EPS8: variants seen among roughly 807,000 people sequenced by gnomAD.
The protein encoded by EPS8 is EGFR pathway substrate 8, signaling adaptor.
EPS8 carries 42 observed loss-of-function variants against 103.8 expected under a neutral mutation model. The observed-to-expected ratio is 0.40, with a 90% confidence interval of 0.32 to 0.52. The LOEUF (loss-of-function observed/expected upper bound fraction) is 0.52. Among genes scored for constraint, EPS8 ranks in the 20% least tolerant of loss-of-function variants. The pLI, the probability that EPS8 is intolerant of heterozygous loss-of-function variation, is 0.40. For missense variants in EPS8, 969 were observed against 1,005.1 expected, an observed-to-expected ratio of 0.96 and a Z score of 0.49; for synonymous variants, 344 against 344.6, an observed-to-expected ratio of 1.00 and a Z score of 0.02.
chr12:15,750,946 A>C (rs1275385936), intron 1 of EPS8, among the ~76,000 whole-genome samples: 1 of 152,166 alleles, frequency 6.6e-6, no homozygotes, highest in Non-Finnish European at 1.5e-5. Flanking sequence ...AAATTACAGT[A>C]CATTGCAAGA....
rs575513875 is a variant in EPS8 at position 15,745,356 on chromosome 12, C to T, written c.-22+43805G>A. Among the ~76,000 whole-genome samples the T allele has an allele frequency of 5.3e-5, 8 of 152,206 alleles. No individual in the cohort carries two copies. The South Asian group carries it at 6.2e-4, about 12-fold the overall frequency. ...ACATGACGTTTGTGCGGGCCCTCCC[C>T]GTTCCCATAAAAAACATCAATAATT... On this transcript the variant is annotated intron_variant, in intron 1 of 20. Transcript: ENST00000281172. The surrounding 1 kb of genome is among the most constrained non-coding windows in gnomAD (Gnocchi z 4.6).
At chr12:15,709,280 A>G (rs1591882276) in intron 1 of EPS8, among the ~76,000 whole-genome samples, 1 of 152,188 alleles carries the variant, frequency 6.6e-6, no homozygotes, top group Admixed American at 6.5e-5. Context: ...AAAAATAAAT[A>G]TAACAGAAGA....
chr12:15,771,008 C>T lies in EPS8; in HGVS notation c.-22+18153G>A, dbSNP rs1422447414. On this transcript the variant is annotated intron_variant, in intron 1 of 20. Transcript: ENST00000281172. This position sits in a 1 kb window ranked among gnomAD's most constrained non-coding sequence, Gnocchi z 4.6. ...AGCCTACCTTAGAGGAGCTTGATAC[C>T]TGGTATCAGGTAACACACATGTATA... Among the ~76,000 whole-genome samples the T allele has an allele frequency of 6.6e-6, 1 of 152,030 alleles. No homozygotes were observed.
At position 15,767,890 on chromosome 12, in the gene EPS8, T is replaced by C. The variant is rs1178268414; in HGVS notation, c.-22+21271A>G. ...AGTTGTCTTTCCCCAGAGAATAAAA[T>C]AGATATTTTTGGTTGTTATTTTACA... On this transcript the variant is annotated intron_variant, in intron 1 of 20. Transcript: ENST00000281172. The surrounding 1 kb of genome is among the most constrained non-coding windows in gnomAD (Gnocchi z 5.5). Among the ~76,000 whole-genome samples, 1 of 152,194 alleles carries C rather than the reference T, an allele frequency of 6.6e-6. No individual in the cohort carries two copies. Among genetic ancestry groups the C allele is most frequent in the Non-Finnish European group, 1.5e-5 (1 of 68,026 alleles).
rs1311366929 is a variant in EPS8, at chr12:15,764,543, TTC to T, written c.-22+24616_-22+24617del. Among the ~76,000 whole-genome samples the T allele has an allele frequency of 1.3e-5, 2 of 152,204 alleles. No homozygotes were observed. The highest frequency in any genetic ancestry group is 3.8e-4 in the East Asian group (2 of 5,196). ...AAACCAACAGGCCTTTGAAGAACTTTTCTCTCTCTAAATCTATGACTATACAA... is the reference window on the plus strand; with the variant it reads ...AAACCAACAGGCCTTTGAAGAACTTTTCTCTCTAAATCTATGACTATACAA... On this transcript the variant is annotated intron_variant, in intron 1 of 20. Coordinates refer to ENST00000281172, the MANE Select transcript of EPS8 (RefSeq NM_004447.6). This position sits in a 1 kb window ranked among gnomAD's most constrained non-coding sequence, Gnocchi z 4.1.
At position 15,747,025 on chromosome 12, in the gene EPS8, T is replaced by A. The variant is rs536803751; in HGVS notation, c.-22+42136A>T. 3.3e-5 allele frequency among the ~76,000 whole-genome samples: 5 copies of A among 152,324 alleles called. No individual in the cohort carries two copies. The South Asian group carries it at 1.0e-3, about 32-fold the overall frequency. On this transcript the variant is annotated intron_variant, in intron 1 of 20. Coordinates refer to ENST00000281172, the MANE Select transcript of EPS8 (RefSeq NM_004447.6). The surrounding 1 kb of genome is among the most constrained non-coding windows in gnomAD (Gnocchi z 4.4). ...CTTCTTTGCCTTTTTCTGATATTTT[T>A]AAATCCTCAACAGTCAATACATATT...
Position 15,620,140 on chromosome 12 carries a change from CTAA to C in EPS8, c.*1174_*1176del, listed in dbSNP as rs1310384914. 6.6e-6 allele frequency: 1 copy of C among 152,514 alleles called. No homozygotes were observed. 9.4% of individuals were successfully genotyped at this position (152,514 alleles called of 1,614,324 possible). A position where few individuals can be genotyped will look rare whatever the true frequency, so the allele number is the denominator to read the frequency against. On this transcript the variant is annotated 3_prime_UTR_variant, in exon 21 of 21. Coordinates refer to ENST00000281172, the MANE Select transcript of EPS8 (RefSeq NM_004447.6). ...GCCGATCTAGCACAGATCCTTTTTG[CTAA>C]TGAGACAGAAACCATTTATTAACAG...
chr12:15,637,615 T>C (rs1945158765), intron 17 of EPS8, among the ~76,000 whole-genome samples: 2 of 152,236 alleles, frequency 1.3e-5, no homozygotes, highest in Admixed American at 1.3e-4. Context: ...TGTTGTTTTC[T>C]GTGAATGTGA....
Position 15,780,642 on chromosome 12 carries a change from G to T in EPS8, c.-22+8519C>A, listed in dbSNP as rs1947252025. The T allele has an allele frequency of 6.6e-6, 1 of 152,074 alleles. No homozygotes were observed. The highest frequency in any genetic ancestry group is 6.6e-5 in the Admixed American group (1 of 15,248). 9.4% of individuals were successfully genotyped at this position (152,074 alleles called of 1,614,324 possible). A position where few individuals can be genotyped will look rare whatever the true frequency, so the allele number is the denominator to read the frequency against. On this transcript the variant is annotated intron_variant, in intron 1 of 20. Transcript: ENST00000281172. The surrounding 1 kb of genome is among the most constrained non-coding windows in gnomAD (Gnocchi z 4.1). The stretch of plus-strand genomic sequence containing the variant: ...ATAAGGTCTGATTCCAAAGTCCATT[G>T]TTTGTTTGTTTTTTAATATATACTT...
chr12:15,706,498 GT>G lies in EPS8; in HGVS notation c.-21-23527del, dbSNP rs1227782054. On this transcript the variant is annotated intron_variant, in intron 1 of 20. Transcript: ENST00000281172. The surrounding 1 kb of genome is among the most constrained non-coding windows in gnomAD (Gnocchi z 5.2). ...TCTATCCTAGATTTCTACATTACAT[GT>G]TTTCACAGCACTCTGAAATTCTCTT... Among the ~76,000 whole-genome samples, 1 of 152,078 alleles carries G rather than the reference GT, an allele frequency of 6.6e-6. No homozygotes were observed. The highest frequency in any genetic ancestry group is 1.5e-5 in the Non-Finnish European group (1 of 68,016).
In EPS8 at chr12:15,631,766, T is replaced by TA. The variant is rs551305736; in HGVS notation, c.1822-103dup. On this transcript the variant is annotated intron_variant, in intron 17 of 20. Coordinates refer to ENST00000281172, the MANE Select transcript of EPS8 (RefSeq NM_004447.6). ...GGACATTGTTGGCTATTTTTAAACT[T>TA]ACTTGCAAACCCATTACTCATTTAT... The TA allele has an allele frequency of 4.5e-4, 391 of 876,082 alleles. 3 individuals carry two copies. In the South Asian group the frequency reaches 6.7e-3, roughly 15 times the overall value. The allele number at this position is 876,082 out of a possible 1,614,324, so 54.3% of individuals were successfully genotyped here.
At chr12:15,628,108 G>C (rs1376777060) in intron 18 of EPS8, among the ~76,000 whole-genome samples, 2 of 150,952 alleles carry the variant, frequency 1.3e-5, no homozygotes, top group East Asian at 3.9e-4. Flanking sequence ...AGGGAGGGAG[G>C]AGTAGGGGGT....
At chr12:15,712,397 C>T (rs1001002958) in intron 1 of EPS8, among the ~76,000 whole-genome samples, 3 of 152,138 alleles carry the variant, frequency 2.0e-5, no homozygotes, top group Admixed American at 6.5e-5. Flanking sequence ...CATAGTACAA[C>T]TAACATTGTG....
chr12:15,716,622 G>T lies in EPS8; in HGVS notation c.-21-33650C>A, dbSNP rs1447691999. On this transcript the variant is annotated intron_variant, in intron 1 of 20. Coordinates refer to ENST00000281172, the MANE Select transcript of EPS8 (RefSeq NM_004447.6). The surrounding 1 kb of genome is among the most constrained non-coding windows in gnomAD (Gnocchi z 5.0). Reference sequence around the variant, plus strand: ...CTTTTTTCCAAAGCTCTTGAAGCTGGAAATTGCACACACACACATCTTTAC... The same window carrying T: ...CTTTTTTCCAAAGCTCTTGAAGCTGTAAATTGCACACACACACATCTTTAC... 6.6e-6 allele frequency among the ~76,000 whole-genome samples: 1 copy of T among 152,160 alleles called. No individual in the cohort carries two copies. Among genetic ancestry groups the T allele is most frequent in the Non-Finnish European group, 1.5e-5 (1 of 68,038 alleles).
intron 1 of EPS8, among the ~76,000 whole-genome samples, chr12:15,742,713 C>G (rs1259083391): frequency 2.6e-5 from 4 of 152,100 alleles, no homozygotes; most frequent in Admixed American, 1.3e-4. Context: ...ATTCAACAGC[C>G]CTTCATGCTA....
chr12:15,635,720 T>C (rs1945122559), intron 17 of EPS8, among the ~76,000 whole-genome samples: 1 of 152,182 alleles, frequency 6.6e-6, no homozygotes, highest in Admixed American at 6.5e-5. Context: ...AACTGACTCC[T>C]TCTATTTCAT....
At chr12:15,623,354 T>C in intron 19 of EPS8, 67 bp from the exon 20 acceptor site, 1 of 1,421,738 alleles carries the variant, frequency 7.0e-7, no homozygotes, top group Non-Finnish European at 9.6e-7. Context: ...AGGAGAAAAT[T>C]ATCTGTTCCT....
In EPS8 at chr12:15,787,648, T is replaced by C. The variant is rs187155128; in HGVS notation, c.-22+1513A>G. On this transcript the variant is annotated intron_variant, in intron 1 of 20. Transcript: ENST00000281172. The surrounding 1 kb of genome is among the most constrained non-coding windows in gnomAD (Gnocchi z 4.9). Reference sequence around the variant, plus strand: ...TAGTAGAATTAAAAGCAAATTATATTTTCCTTCTTTTTTTTCTGCTATAAA... The same window carrying C: ...TAGTAGAATTAAAAGCAAATTATATCTTCCTTCTTTTTTTTCTGCTATAAA... 7.2e-4 allele frequency among the ~76,000 whole-genome samples: 110 copies of C among 152,248 alleles called. 1 individual carries two copies. The East Asian group carries it at 0.019, about 26-fold the overall frequency.
Position 15,785,105 on chromosome 12 carries a change from T to C in EPS8, c.-22+4056A>G, listed in dbSNP as rs888050676. 3.3e-5 allele frequency among the ~76,000 whole-genome samples: 5 copies of C among 152,094 alleles called. No homozygotes were observed. The highest frequency in any genetic ancestry group is 1.2e-4 in the African/African-American group (5 of 41,446). On this transcript the variant is annotated intron_variant, in intron 1 of 20. Transcript: ENST00000281172. This position sits in a 1 kb window ranked among gnomAD's most constrained non-coding sequence, Gnocchi z 4.9. ...ACAGGACAAAGAGTAAACTTTAATGTATGCAAACGTAAGCAAATCATTTAG... is the reference window on the plus strand; with the variant it reads ...ACAGGACAAAGAGTAAACTTTAATGCATGCAAACGTAAGCAAATCATTTAG...
Sources: gnomAD v4.1 joint callset for allele counts (sites outside exome capture counted in the v4.1 genomes callset) on GRCh38, gnomAD v4.1.1 for gene constraint, Gnocchi (gnomAD v3.1) non-coding constraint, MANE v1.5 for transcripts, NCBI Gene and HGNC (gene_info 2026-07-23, HGNC 2026-07-21) for gene names.